Variants in ABCA3 observed in about 807,000 individuals in gnomAD.
ABCA3 encodes the protein phospholipid-transporting ATPase ABCA3.
Under a neutral mutation model 172.8 loss-of-function variants are expected in ABCA3, and 88 were observed. The observed-to-expected ratio is 0.51, with a 90% CI of 0.43 to 0.61. The LOEUF (loss-of-function observed/expected upper bound fraction) is 0.61. Ranked by LOEUF, ABCA3 falls within the 20% of genes least tolerant of loss-of-function variation. The pLI is 0.00. For missense variants in ABCA3, 2,164 were observed against 2,301.0 expected (o/e 0.94, Z 1.22); for synonymous variants, 1,066 against 983.8 (o/e 1.08, Z -1.56).
rs1227819092 is a variant in ABCA3 at position 2,316,245 on chromosome 16, G to T, written c.1111+1038C>A. Among the ~76,000 whole-genome samples the T allele has an allele frequency of 2.1e-5, 3 of 145,702 alleles. No homozygotes were observed. The South Asian group carries it at 6.5e-4, about 32-fold the overall frequency. On this transcript the variant is annotated intron_variant, in intron 10 of 32. Transcript: ENST00000301732. ...ATAGCTTTGAGCCCAGCAGTTCAAG[G>T]CTGCAGTGAGCCGTGTCTGTGCCAT...
At position 2,277,465 on chromosome 16, in the gene ABCA3, CTGAG is replaced by C; in HGVS notation, c.4983+128_4983+131del. 2 of 935,052 alleles carry C rather than the reference CTGAG, an allele frequency of 2.1e-6. No individual in the cohort carries two copies. Among genetic ancestry groups the C allele is most frequent in the South Asian group, 1.4e-5 (1 of 70,992 alleles). 57.9% of individuals were successfully genotyped at this position (935,052 alleles called of 1,614,324 possible). On this transcript the variant is annotated intron_variant, in intron 32 of 32. Transcript: ENST00000301732. This position sits in a 1 kb window ranked among gnomAD's most constrained non-coding sequence, Gnocchi z 5.3. ...AACCCCCAAACCAGCACGTATCAGGCTGAGTGTTAGGGGAGAAATGGAAAGTGAC... is the reference window on the plus strand; with the variant it reads ...AACCCCCAAACCAGCACGTATCAGGCTGTTAGGGGAGAAATGGAAAGTGAC...
chr16:2,338,831 T>C, intron 1 of ABCA3, among the ~76,000 whole-genome samples: 1 of 148,754 alleles, frequency 6.7e-6, no homozygotes, highest in Non-Finnish European at 1.5e-5. Flanking sequence ...CTCAGCTCAC[T>C]GTAACCTCCA....
intron 11 of ABCA3, among the ~76,000 whole-genome samples, chr16:2,304,877 G>T (rs2093695179): frequency 6.6e-6 from 1 of 151,938 alleles, no homozygotes; most frequent in Non-Finnish European, 1.5e-5. Context: ...GGGTTTCACT[G>T]TGTTAGCCAG....
rs897485298 is a variant in ABCA3, at chr16:2,287,063, G to A, written c.3005-96C>T. 1 of 1,411,848 alleles carries A rather than the reference G, an allele frequency of 7.1e-7. No homozygotes were observed. Among genetic ancestry groups the A allele is most frequent in the Non-Finnish European group, 9.7e-7 (1 of 1,029,070 alleles). 87.5% of individuals were successfully genotyped at this position (1,411,848 alleles called of 1,614,324 possible). On this transcript the variant is annotated intron_variant, in intron 21 of 32. Transcript: ENST00000301732. This position sits in a 1 kb window ranked among gnomAD's most constrained non-coding sequence, Gnocchi z 4.1. Reference sequence around the variant, plus strand: ...TGGCTAATCAGGGACCCAATAGAGTGGTGCCAGCATCCTCTGAGCTGCCCG... The same window carrying A: ...TGGCTAATCAGGGACCCAATAGAGTAGTGCCAGCATCCTCTGAGCTGCCCG...
At chr16:2,315,839 CT>C (rs536716259) in intron 10 of ABCA3, among the ~76,000 whole-genome samples, 213 of 104,858 alleles carry the variant, frequency 2.0e-3, no homozygotes, top group South Asian at 0.013. Context: ...AATTTTTAAA[CT>C]TTTTTTTTTT....
chr16:2,332,645 G>A (rs1189067525), intron 1 of ABCA3: 44 of 1,601,914 alleles, frequency 2.7e-5, no homozygotes, highest in Admixed American at 6.7e-5. Context: ...TCCAGGGGCC[G>A]CCCGTTCACC....
chr16:2,304,657 C>T (rs1426430788), intron 11 of ABCA3, among the ~76,000 whole-genome samples: 1 of 149,812 alleles, frequency 6.7e-6, no homozygotes, highest in Non-Finnish European at 1.5e-5. Context: ...CAGGCGCATG[C>T]TGCCATGCCT....
At chr16:2,301,695 G>T (rs1330651943) in intron 12 of ABCA3, among the ~76,000 whole-genome samples, 4 of 149,940 alleles carry the variant, frequency 2.7e-5, no homozygotes, top group Non-Finnish European at 4.4e-5. Context: ...GGGCAACAGA[G>T]CTAGACTCCG....
chr16:2,332,745 CTTT>C (rs2093745455), intron 1 of ABCA3: 1 of 1,093,098 alleles, frequency 9.1e-7, no homozygotes, highest in South Asian at 1.3e-5. Flanking sequence ...TCCTCCATTT[CTTT>C]ATTTGTGGTT....
intron 1 of ABCA3, among the ~76,000 whole-genome samples, chr16:2,330,315 C>T (rs1424007225): frequency 7.0e-6 from 1 of 141,898 alleles, no homozygotes; most frequent in Non-Finnish European, 1.5e-5. Context: ...AGAATATAAG[C>T]TCTATTTTTT....
chr16:2,334,538 G>A (rs376458216), intron 1 of ABCA3, among the ~76,000 whole-genome samples: 2 of 145,628 alleles, frequency 1.4e-5, no homozygotes, highest in African/African-American at 2.5e-5. Context: ...TTTTTGAGAC[G>A]GCATCTCGCT....
rs1011874792 is a variant in ABCA3 at position 2,278,663 on chromosome 16, G to A, written c.4548-205C>T. Among the ~76,000 whole-genome samples, 2 of 152,202 alleles carry A rather than the reference G, an allele frequency of 1.3e-5. No individual in the cohort carries two copies. Among genetic ancestry groups the A allele is most frequent in the African/African-American group, 2.4e-5 (1 of 41,452 alleles). The stretch of plus-strand genomic sequence containing the variant: ...CAGAGAAGGCTGTTCCCAGGGGCCC[G>A]GTGCACGCACCTACATGGGAAGACA... On this transcript the variant is annotated intron_variant, in intron 29 of 32. Transcript: ENST00000301732. This position sits in a 1 kb window ranked among gnomAD's most constrained non-coding sequence, Gnocchi z 4.4.
chr16:2,290,368 C>T (rs1389092357), intron 19 of ABCA3, among the ~76,000 whole-genome samples: 3 of 152,188 alleles, frequency 2.0e-5, no homozygotes, highest in Non-Finnish European at 4.4e-5. Flanking sequence ...CTAGACAAAC[C>T]AGGAAAAGCT....
At chr16:2,316,980 C>T (rs920170829) in intron 10 of ABCA3, among the ~76,000 whole-genome samples, 1 of 152,240 alleles carries the variant, frequency 6.6e-6, no homozygotes, top group Non-Finnish European at 1.5e-5. Context: ...TGATCTTCAA[C>T]GTAACTGTCA....
At chr16:2,325,166 G>A (rs557791847) in intron 5 of ABCA3, among the ~76,000 whole-genome samples, 2 of 152,302 alleles carry the variant, frequency 1.3e-5, no homozygotes, top group Admixed American at 6.5e-5. Context: ...TCTCATCACT[G>A]TTTTCAGAGC....
chr16:2,301,024 A>G (rs1364923487), intron 12 of ABCA3, among the ~76,000 whole-genome samples: 3 of 149,510 alleles, frequency 2.0e-5, no homozygotes, highest in Non-Finnish European at 4.4e-5. Context: ...AGGTCAGGAG[A>G]TCGAGACCAT....
intron 14 of ABCA3, 49 bp from the exon 15 acceptor site, chr16:2,298,589 C>G (rs1204703307): frequency 1.9e-6 from 3 of 1,605,318 alleles, no homozygotes; most frequent in Non-Finnish European, 1.7e-6. Flanking sequence ...TCCTGCTCGT[C>G]AGCACCCGCG....
intron 1 of ABCA3, among the ~76,000 whole-genome samples, chr16:2,337,306 A>G (rs2093753391): frequency 6.6e-6 from 1 of 151,890 alleles, no homozygotes; most frequent in African/African-American, 2.4e-5. Context: ...CACATAATAT[A>G]TATTGGGCTG....
intron 12 of ABCA3, among the ~76,000 whole-genome samples, chr16:2,300,687 C>A (rs1001883787): frequency 1.9e-4 from 29 of 152,232 alleles, no homozygotes; most frequent in Admixed American, 6.5e-5. Flanking sequence ...GCACACACCT[C>A]ACACAGTGCC....
Sources: gnomAD v4.1 joint callset for allele counts (sites outside exome capture counted in the v4.1 genomes callset) on GRCh38, gnomAD v4.1.1 for gene constraint, Gnocchi (gnomAD v3.1) non-coding constraint, MANE v1.5 for transcripts, NCBI Gene and HGNC (gene_info 2026-07-23, HGNC 2026-07-21) for gene names.